The following FILIP1L variants were observed in gnomAD, a reference collection of about 807,000 sequenced individuals.
FILIP1L encodes filamin A-interacting protein 1-like.
A neutral mutation model predicts 96.6 loss-of-function variants in FILIP1L; 55 were observed. The observed-to-expected ratio is 0.57, with a 90% CI of 0.46 to 0.71. The LOEUF is 0.71. Among genes scored for constraint, FILIP1L ranks in the 30% least tolerant of loss-of-function variants. The pLI is 0.00. For synonymous variants in FILIP1L, 467 were observed against 473.9 expected, an observed-to-expected ratio of 0.99 and a Z score of 0.19; for missense variants, 1,304 against 1,321.2, an observed-to-expected ratio of 0.99 and a Z score of 0.20.
chr3:99,882,583 T>C (rs1242490257), intron 4 of FILIP1L, among the ~76,000 whole-genome samples: 8 of 152,198 alleles, frequency 5.3e-5, no homozygotes, highest in Admixed American at 5.2e-4. Flanking sequence ...CACTCTCTGT[T>C]CCCATTTTTA....
chr3:100,055,046 A>G (rs1171523439), intron 1 of FILIP1L, among the ~76,000 whole-genome samples: 1 of 152,000 alleles, frequency 6.6e-6, no homozygotes, highest in African/African-American at 2.4e-5. Flanking sequence ...CCTGGCCCAT[A>G]GTATTTTGTT....
intron 1 of FILIP1L, among the ~76,000 whole-genome samples, chr3:100,076,229 C>G (rs1463269546): frequency 6.6e-6 from 1 of 152,186 alleles, no homozygotes; most frequent in Non-Finnish European, 1.5e-5. Context: ...GGAGGCTTGT[C>G]TGTTTCATTC....
intron 1 of FILIP1L, among the ~76,000 whole-genome samples, chr3:99,931,593 C>G (rs150719435): frequency 9.1e-4 from 138 of 152,202 alleles, no homozygotes; most frequent in African/African-American, 3.0e-3. Context: ...AAGGCCAAGT[C>G]TAGTATTAAA....
intron 1 of FILIP1L, among the ~76,000 whole-genome samples, chr3:100,058,881 C>T (rs1328552237): frequency 6.6e-6 from 1 of 152,216 alleles, no homozygotes; most frequent in Non-Finnish European, 1.5e-5. Flanking sequence ...TATTCTAGAA[C>T]CTTTTTCTTT....
At chr3:100,054,408 C>G (rs762183116) in intron 1 of FILIP1L, among the ~76,000 whole-genome samples, 16 of 152,158 alleles carry the variant, frequency 1.1e-4, no homozygotes, top group Admixed American at 3.9e-4. Flanking sequence ...TGGGGAGTGG[C>G]TGTCCCGTCA....
chr3:99,967,514 G>A (rs904435981), intron 1 of FILIP1L, among the ~76,000 whole-genome samples: 4 of 152,144 alleles, frequency 2.6e-5, no homozygotes, highest in Non-Finnish European at 4.4e-5. Context: ...GTTCCACTAA[G>A]AGTCCCCTCC....
At chr3:99,832,669 C>A (rs1281171967) in intron 5 of FILIP1L, among the ~76,000 whole-genome samples, 1 of 148,022 alleles carries the variant, frequency 6.8e-6, no homozygotes, top group Admixed American at 6.7e-5. Flanking sequence ...ACGGTGAAAC[C>A]CTGTCTCTAC....
chr3:99,986,592 A>G (rs2107115020), intron 1 of FILIP1L, among the ~76,000 whole-genome samples: 1 of 152,236 alleles, frequency 6.6e-6, no homozygotes, highest in East Asian at 1.9e-4. Context: ...TTGTTTGTCA[A>G]AGAGAATTAC....
chr3:99,983,458 A>ATGTGTG (rs71132503), intron 1 of FILIP1L, among the ~76,000 whole-genome samples: 4 of 16,246 alleles, frequency 2.5e-4, no homozygotes, highest in African/African-American at 1.3e-3. Flanking sequence ...ATATATATAT[A>ATGTGTG]TGTGTGTATA....
chr3:99,848,081 A>G (rs1002413880), intron 5 of FILIP1L: 15 of 1,330,806 alleles, frequency 1.1e-5, no homozygotes, highest in Non-Finnish European at 1.4e-5. Context: ...ATGTAAATGA[A>G]AAGATATACA....
intron 4 of FILIP1L, among the ~76,000 whole-genome samples, chr3:99,873,694 C>G (rs1047510907): frequency 5.9e-5 from 9 of 152,020 alleles, no homozygotes; most frequent in African/African-American, 2.2e-4. Context: ...AGCAGAGAAC[C>G]CTTAAACAAA....
chr3:99,907,083 G>C (rs970169787), intron 4 of FILIP1L, among the ~76,000 whole-genome samples: 2 of 152,072 alleles, frequency 1.3e-5, no homozygotes, highest in South Asian at 2.1e-4. Flanking sequence ...GACTCTTACT[G>C]TTATTTAGAC....
chr3:99,864,496 A>T (rs1227349933), intron 4 of FILIP1L, among the ~76,000 whole-genome samples: 1 of 152,218 alleles, frequency 6.6e-6, no homozygotes, highest in African/African-American at 2.4e-5. Flanking sequence ...AACAGACCAG[A>T]ATAAAAATTC....
At chr3:99,910,930 A>G (rs567445065) in intron 4 of FILIP1L, among the ~76,000 whole-genome samples, 1 of 152,340 alleles carries the variant, frequency 6.6e-6, no homozygotes, top group South Asian at 2.1e-4. Flanking sequence ...CTTTTCAAGG[A>G]TGAAGAGATG....
intron 4 of FILIP1L, among the ~76,000 whole-genome samples, chr3:99,870,696 C>A (rs1223043426): frequency 2.6e-5 from 4 of 152,184 alleles, no homozygotes; most frequent in Non-Finnish European, 5.9e-5. Context: ...GCTAGCTTCA[C>A]AGGTTGACAT....
intron 4 of FILIP1L, among the ~76,000 whole-genome samples, chr3:99,914,711 AT>A (rs1706898425): frequency 1.3e-5 from 2 of 152,268 alleles, no homozygotes; most frequent in Non-Finnish European, 2.9e-5. Context: ...AATTTCACAT[AT>A]AAGAATTCTA....
intron 4 of FILIP1L, among the ~76,000 whole-genome samples, chr3:99,861,502 GCTT>G (rs1284561991): frequency 6.6e-6 from 1 of 152,090 alleles, no homozygotes; most frequent in Admixed American, 6.5e-5. Flanking sequence ...GGTTCCTAAT[GCTT>G]TCATTGTTTA....
In FILIP1L at chr3:99,849,095, G is replaced by C; in HGVS notation, c.2581C>G (p.Leu861Val). 1 of 1,614,118 alleles carries C rather than the reference G, an allele frequency of 6.2e-7. No homozygotes were observed. Among genetic ancestry groups the C allele is most frequent in the Non-Finnish European group, 8.5e-7 (1 of 1,179,994 alleles). The change falls in exon 5 of 6, where the codon CTA (leucine) becomes GTA (valine). Residue 861 changes from leucine (L) to valine (V), a missense_variant. Physicochemically the swap from Leu to Val is conservative, Grantham distance 32. Transcript: ENST00000477258. ...TTGGATTTCATCCAGGGAATCCATA[G>C]CTTTCTGTTAACAGGACATGGAGTA... ...QSTPCPVNRK[L>V]WIPWMKSKEG...
intron 4 of FILIP1L, among the ~76,000 whole-genome samples, chr3:99,896,103 G>T (rs1338492041): frequency 6.8e-6 from 1 of 147,030 alleles, no homozygotes; most frequent in Non-Finnish European, 1.5e-5. Context: ...TAAACTTTTA[G>T]AAAAAAAAAA....
Sources: allele counts gnomAD v4.1 joint callset (sites outside exome capture counted in the v4.1 genomes callset), GRCh38; gene constraint gnomAD v4.1.1; transcripts MANE v1.5; gene names NCBI Gene and HGNC (gene_info 2026-07-23, HGNC 2026-07-21).